The following ZNF286A variants were observed in gnomAD, a reference collection of about 807,000 sequenced individuals.
ZNF286A encodes zinc finger protein 286A.
In ZNF286A, 34 loss-of-function variants were observed where a neutral mutation model predicts 49.3. The observed-to-expected ratio is 0.69, with a 90% CI of 0.52 to 0.92. The LOEUF is 0.92. Among genes scored for constraint, ZNF286A ranks in the 40% least tolerant of loss-of-function variants. ZNF286A has a pLI of 0.00. For missense variants in ZNF286A, 462 were observed against 600.2 expected, an observed-to-expected ratio of 0.77 and a Z score of 2.41; for synonymous variants, 155 against 200.4, an observed-to-expected ratio of 0.77 and a Z score of 1.91.
rs1967259264 is a variant in ZNF286A at position 15,719,372 on chromosome 17, G to A, written c.*2082G>A. On this transcript the variant is annotated 3_prime_UTR_variant, in exon 6 of 6. Coordinates refer to ENST00000583566, the MANE Select transcript of ZNF286A (RefSeq NM_001130842.2). The stretch of plus-strand genomic sequence containing the variant: ...TGCCTTTGTGTCCAGTGTCAGAACT[G>A]AGTAGCTGCAGCGGAGGTTGTGCCT... The A allele has an allele frequency of 6.9e-6, 1 of 144,156 alleles. No homozygotes were observed. The highest frequency in any genetic ancestry group is 2.4e-4 in the South Asian group (1 of 4,240). 8.9% of individuals were successfully genotyped at this position (144,156 alleles called of 1,614,324 possible).
intron 3 of ZNF286A, chr17:15,705,028 C>T: frequency 3.6e-6 from 2 of 552,180 alleles, no homozygotes; most frequent in South Asian, 3.5e-5. Flanking sequence ...GCTCCGCTCC[C>T]CGCTGCCTCT....
At chr17:15,705,266 G>C (rs911969994) in intron 3 of ZNF286A, among the ~76,000 whole-genome samples, 1 of 152,002 alleles carries the variant, frequency 6.6e-6, no homozygotes, top group Non-Finnish European at 1.5e-5. Flanking sequence ...TCAAAATCAG[G>C]ACATTCACAT....
intron 3 of ZNF286A, among the ~76,000 whole-genome samples, chr17:15,703,005 C>A (rs1237688443): frequency 1.3e-5 from 2 of 152,140 alleles, no homozygotes; most frequent in African/African-American, 2.4e-5. Context: ...AGGGCAGATT[C>A]TCTTCTAGTC....
intron 5 of ZNF286A, chr17:15,711,332 T>C (rs1288385634): frequency 1.3e-5 from 2 of 152,266 alleles, no homozygotes; most frequent in Non-Finnish European, 2.9e-5. Context: ...TCTTTAATTT[T>C]TTCTTTAGAT....
At chr17:15,704,582 G>A in intron 3 of ZNF286A, 1 of 1,614,088 alleles carries the variant, frequency 6.2e-7, no homozygotes, top group East Asian at 2.2e-5. Context: ...CGGATGCCCA[G>A]CTCAGCCGTC....
intron 3 of ZNF286A, among the ~76,000 whole-genome samples, chr17:15,702,499 T>G: frequency 3.8e-5 from 5 of 130,682 alleles, no homozygotes; most frequent in Non-Finnish European, 4.7e-5. Context: ...TGGGTGAGAG[T>G]GAAACTGTCT....
chr17:15,709,605 G>A (rs1316466579), intron 5 of ZNF286A, among the ~76,000 whole-genome samples: 4 of 152,020 alleles, frequency 2.6e-5, no homozygotes, highest in Non-Finnish European at 2.9e-5. Flanking sequence ...GTATGTGTGT[G>A]TATACACAGA....
In ZNF286A at chr17:15,717,035, C is replaced by T; in HGVS notation, c.1311C>T (p.Pro437=). The T allele has an allele frequency of 6.2e-7, 1 of 1,614,060 alleles. No homozygotes were observed. The highest frequency in any genetic ancestry group is 8.5e-7 in the Non-Finnish European group (1 of 1,180,020). ...AGAGAATTCACACTGGAGAGAAACC[C>T]TATGAGTGTAATGAATGTGGGAAAA... ...QHQRIHTGEK[P]YECNECGKTF... The change falls in exon 6 of 6, where the codon CCC becomes CCT. Residue 437 remains proline, a synonymous_variant. Coordinates refer to ENST00000583566, the MANE Select transcript of ZNF286A (RefSeq NM_001130842.2).
intron 3 of ZNF286A, chr17:15,704,413 C>G: frequency 1.2e-6 from 2 of 1,606,310 alleles, no homozygotes; most frequent in Non-Finnish European, 1.7e-6. Flanking sequence ...TTCGGCCCTG[C>G]CGCTGGGCCC....
At chr17:15,711,128 G>T (rs1597723502) in intron 5 of ZNF286A, among the ~76,000 whole-genome samples, 1 of 152,028 alleles carries the variant, frequency 6.6e-6, no homozygotes, top group East Asian at 1.9e-4. Context: ...TAGCCAGGGT[G>T]GTCTCGATCT....
chr17:15,717,495 T>A lies in ZNF286A; in HGVS notation c.*205T>A. ...TAATTATGAAATCTAGCCAGCGATTTCAAAATTTTAATCTCCAACGTCCCA... is the reference window on the plus strand; with the variant it reads ...TAATTATGAAATCTAGCCAGCGATTACAAAATTTTAATCTCCAACGTCCCA... On this transcript the variant is annotated 3_prime_UTR_variant, in exon 6 of 6. Coordinates refer to ENST00000583566, the MANE Select transcript of ZNF286A (RefSeq NM_001130842.2). The A allele has an allele frequency of 1.1e-6, 1 of 944,010 alleles. No homozygotes were observed. 58.5% of individuals were successfully genotyped at this position (944,010 alleles called of 1,614,324 possible).
chr17:15,708,023 TA>T (rs531083403), intron 4 of ZNF286A, 131 bp from the exon 5 acceptor site: 317 of 499,928 alleles, frequency 6.3e-4, no homozygotes, highest in South Asian at 1.2e-3. Flanking sequence ...TTTTATAAAT[TA>T]AAAAAAAAGA....
At position 15,704,405 on chromosome 17, in the gene ZNF286A, C is replaced by T. The variant is rs574888815; in HGVS notation, c.127-1982C>T. 628 of 1,605,444 alleles carry T rather than the reference C, an allele frequency of 3.9e-4. 4 individuals carry two copies. The East Asian group carries it at 4.3e-3, about 11-fold the overall frequency. On this transcript the variant is annotated intron_variant, in intron 3 of 5. Coordinates refer to ENST00000583566, the MANE Select transcript of ZNF286A (RefSeq NM_001130842.2). ...CCACTGGCCAGGGCCCGCCCGGCTT[C>T]GGCCCTGCCGCTGGGCCCGCCGGCG...
chr17:15,706,321 A>G, intron 3 of ZNF286A, 66 bp from the exon 4 acceptor site: 1 of 1,372,118 alleles, frequency 7.3e-7, no homozygotes, highest in Middle Eastern at 1.8e-4. Context: ...CAGGGCCAGC[A>G]GAAACTGGGG....
chr17:15,708,078 G>C, intron 4 of ZNF286A, 77 bp from the exon 5 acceptor site: 1 of 1,022,860 alleles, frequency 9.8e-7, no homozygotes, highest in African/African-American at 1.7e-5. Context: ...AATTCAACTG[G>C]CTTGAAGAAA....
intron 5 of ZNF286A, among the ~76,000 whole-genome samples, chr17:15,710,979 T>G (rs1990602367): frequency 6.6e-6 from 1 of 152,032 alleles, no homozygotes; most frequent in African/African-American, 2.4e-5. Context: ...TGGCACGATC[T>G]TGGCTCACTG....
chr17:15,705,657 G>T (rs1990175420), intron 3 of ZNF286A, among the ~76,000 whole-genome samples: 1 of 152,144 alleles, frequency 6.6e-6, no homozygotes, highest in Non-Finnish European at 1.5e-5. Flanking sequence ...TTTCCATCCA[G>T]TTAGAGCATT....
At position 15,717,876 on chromosome 17, in the gene ZNF286A, A is replaced by G. The variant is rs968808938; in HGVS notation, c.*586A>G. 6.6e-6 allele frequency: 1 copy of G among 152,582 alleles called. No individual in the cohort carries two copies. The highest frequency in any genetic ancestry group is 6.5e-5 in the Admixed American group (1 of 15,394). The allele number at this position is 152,582 out of a possible 1,614,324, so 9.5% of individuals were successfully genotyped here. A position where few individuals can be genotyped will look rare whatever the true frequency, so the allele number is the denominator to read the frequency against. On this transcript the variant is annotated 3_prime_UTR_variant, in exon 6 of 6. Transcript: ENST00000583566. ...ATGTTGATGACCATAACTGGGATGT[A>G]TAATATTTACAGACAACTCTAAGTT...
chr17:15,702,536 G>A (rs1989867288), intron 3 of ZNF286A, among the ~76,000 whole-genome samples: 1 of 151,908 alleles, frequency 6.6e-6, no homozygotes, highest in South Asian at 2.1e-4. Flanking sequence ...AAGAAGTTGA[G>A]GAGGAAAAAA....
Sources: allele counts gnomAD v4.1 joint callset (sites outside exome capture counted in the v4.1 genomes callset), GRCh38; gene constraint gnomAD v4.1.1; transcripts MANE v1.5; gene names NCBI Gene and HGNC (gene_info 2026-07-23, HGNC 2026-07-21).